Variants in PTPRD observed in about 807,000 individuals in gnomAD.
PTPRD encodes receptor-type tyrosine-protein phosphatase delta.
A neutral mutation model predicts 214.5 loss-of-function variants in PTPRD; 34 were observed. That is an observed-to-expected ratio of 0.16 (90% CI 0.12 to 0.21). The LOEUF is 0.21. Ranked by LOEUF, PTPRD falls within the 10% of genes least tolerant of loss-of-function variation. The pLI, the probability that PTPRD is intolerant of heterozygous loss-of-function variation, is 1.00. For synonymous variants in PTPRD, 1,128 were observed against 845.7 expected (o/e 1.33, Z -5.79); for missense variants, 2,545 against 2,398.7 (o/e 1.06, Z -1.27).
chr9:9,659,724 C>T (rs2096587087), intron 7 of PTPRD, among the ~76,000 whole-genome samples: 1 of 152,040 alleles, frequency 6.6e-6, no homozygotes, highest in Non-Finnish European at 1.5e-5. Context: ...CCAGTCATTG[C>T]TATTTGCATT....
In PTPRD at chr9:8,751,967, A is replaced by G. The variant is rs374772458; in HGVS notation, c.-103-18021T>C. Among the ~76,000 whole-genome samples the G allele has an allele frequency of 3.3e-5, 5 of 152,312 alleles. No individual in the cohort carries two copies. In the East Asian group the frequency reaches 7.7e-4, roughly 24 times the overall value. On this transcript the variant is annotated intron_variant, in intron 11 of 45. Coordinates refer to ENST00000381196, the MANE Select transcript of PTPRD (RefSeq NM_002839.4). Reference sequence around the variant, plus strand: ...CATGCCTTGGCCAAAAGAATGGGACAAAAGCAACGTTGTGTGCGTCTGACC... The same window carrying G: ...CATGCCTTGGCCAAAAGAATGGGACGAAAGCAACGTTGTGTGCGTCTGACC...
At chr9:9,562,628 G>T (rs1418474745) in intron 8 of PTPRD, among the ~76,000 whole-genome samples, 1 of 151,920 alleles carries the variant, frequency 6.6e-6, no homozygotes, top group Non-Finnish European at 1.5e-5. Context: ...CCTCCTTTCA[G>T]CCTTTGCCTT....
At chr9:9,581,236 G>C (rs2090672302) in intron 7 of PTPRD, among the ~76,000 whole-genome samples, 1 of 151,942 alleles carries the variant, frequency 6.6e-6, no homozygotes, top group South Asian at 2.1e-4. Flanking sequence ...ATGCTAAATT[G>C]AACTTATGCA....
At chr9:9,721,106 C>G (rs1318419790) in intron 7 of PTPRD, among the ~76,000 whole-genome samples, 1 of 152,006 alleles carries the variant, frequency 6.6e-6, no homozygotes, top group Non-Finnish European at 1.5e-5. Flanking sequence ...ATCTATATAA[C>G]AAACCTGCAT....
chr9:10,578,156 T>C (rs900648413), intron 2 of PTPRD, among the ~76,000 whole-genome samples: 6 of 152,102 alleles, frequency 3.9e-5, no homozygotes, highest in Non-Finnish European at 8.8e-5. Context: ...GTGATCCACC[T>C]GCCTCGGCCT....
chr9:10,450,004 G>A (rs1254996405), intron 2 of PTPRD, among the ~76,000 whole-genome samples: 1 of 151,636 alleles, frequency 6.6e-6, no homozygotes, highest in Non-Finnish European at 1.5e-5. Context: ...ATTAAGGGCG[G>A]TGCAAGATGT....
chr9:10,351,588 G>A (rs1327408077), intron 2 of PTPRD, among the ~76,000 whole-genome samples: 2 of 151,672 alleles, frequency 1.3e-5, no homozygotes, highest in African/African-American at 2.4e-5. Context: ...GGAAACAGAG[G>A]ATCAAAAGCT....
chr9:10,065,282 C>G (rs189274784), intron 3 of PTPRD, among the ~76,000 whole-genome samples: 1 of 151,838 alleles, frequency 6.6e-6, no homozygotes, highest in Non-Finnish European at 1.5e-5. Context: ...AGGTAGTTGG[C>G]GCAGAGTTGC....
chr9:9,501,808 C>G (rs2096423525), intron 8 of PTPRD, among the ~76,000 whole-genome samples: 1 of 151,674 alleles, frequency 6.6e-6, no homozygotes, highest in African/African-American at 2.4e-5. Flanking sequence ...TTTAGACTAC[C>G]AGTGAGTCAA....
intron 4 of PTPRD, among the ~76,000 whole-genome samples, chr9:9,993,499 TAAC>T (rs2096019558): frequency 6.6e-6 from 1 of 152,194 alleles, no homozygotes; most frequent in Non-Finnish European, 1.5e-5. Context: ...CAACCATGTA[TAAC>T]AATATGGATA....
At chr9:8,850,039 A>G (rs1273001770) in intron 11 of PTPRD, among the ~76,000 whole-genome samples, 1 of 152,222 alleles carries the variant, frequency 6.6e-6, no homozygotes, top group Admixed American at 6.5e-5. Context: ...AACAAAAGGA[A>G]GAAAAGAGAT....
At chr9:9,794,159 GTA>G (rs756391831) in intron 5 of PTPRD, among the ~76,000 whole-genome samples, 1,882 of 46,132 alleles carry the variant, frequency 0.041, 30 homozygotes, top group African/African-American at 0.096. Flanking sequence ...ATATGTACAT[GTA>G]TATATATATA....
chr9:9,541,889 AG>A (rs1362176967), intron 8 of PTPRD, among the ~76,000 whole-genome samples: 1 of 151,780 alleles, frequency 6.6e-6, no homozygotes, highest in African/African-American at 2.4e-5. Flanking sequence ...TGGGGAAGAG[AG>A]GTATCTAAAA....
intron 9 of PTPRD, among the ~76,000 whole-genome samples, chr9:9,344,508 A>T (rs556621163): frequency 1.5e-3 from 225 of 151,018 alleles, no homozygotes; most frequent in African/African-American, 5.3e-3. Flanking sequence ...AGTAAAAATT[A>T]AAAAAAAAGA....
chr9:8,507,993 GA>G (rs1490736071), intron 21 of PTPRD, among the ~76,000 whole-genome samples: 56 of 151,926 alleles, frequency 3.7e-4, no homozygotes, highest in Admixed American at 1.3e-3. Context: ...TGTAAGAAAG[GA>G]AAAACAAAAC....
chr9:9,433,691 C>A (rs904965891), intron 8 of PTPRD, among the ~76,000 whole-genome samples: 6 of 152,134 alleles, frequency 3.9e-5, no homozygotes, highest in African/African-American at 1.4e-4. Context: ...AGATACATTT[C>A]TGAAAAATCA....
At chr9:9,821,101 T>C (rs1291963371) in intron 5 of PTPRD, among the ~76,000 whole-genome samples, 2 of 152,186 alleles carry the variant, frequency 1.3e-5, no homozygotes, top group Admixed American at 6.5e-5. Context: ...ATTATTTCAA[T>C]CCATGAGCAT....
chr9:9,928,062 T>C (rs1261329144), intron 5 of PTPRD, among the ~76,000 whole-genome samples: 2 of 152,190 alleles, frequency 1.3e-5, no homozygotes, highest in African/African-American at 4.8e-5. Context: ...CATCTTCTGA[T>C]CATTTTCAAT....
chr9:8,544,735 T>C (rs1278576148), intron 14 of PTPRD, among the ~76,000 whole-genome samples: 1 of 151,814 alleles, frequency 6.6e-6, no homozygotes, highest in Non-Finnish European at 1.5e-5. Flanking sequence ...CCTCCCAAAG[T>C]GCTGGGATTA....
Sources: gnomAD v4.1 joint callset for allele counts (sites outside exome capture counted in the v4.1 genomes callset) on GRCh38, gnomAD v4.1.1 for gene constraint, MANE v1.5 for transcripts, NCBI Gene and HGNC (gene_info 2026-07-23, HGNC 2026-07-21) for gene names.